Variants in GABBR2 observed in about 807,000 individuals in gnomAD.
GABBR2 encodes G-protein coupled receptor 51.
A neutral mutation model predicts 105.6 loss-of-function variants in GABBR2; 23 were observed. That is an observed-to-expected ratio of 0.22 (90% CI 0.16 to 0.31). GABBR2 has a LOEUF of 0.31. Among genes scored for constraint, GABBR2 ranks in the 10% least tolerant of loss-of-function variants. The pLI is 1.00. For synonymous variants in GABBR2, 478 were observed against 499.7 expected (o/e 0.96, Z 0.58); for missense variants, 734 against 1,245.5 (o/e 0.59, Z 6.18).
At chr9:98,373,410 C>T (rs1588127703) in intron 11 of GABBR2, among the ~76,000 whole-genome samples, 1 of 152,234 alleles carries the variant, frequency 6.6e-6, no homozygotes, top group East Asian at 1.9e-4. Context: ...AAGATAGTTC[C>T]CTTAACCATG....
chr9:98,585,979 T>C lies in GABBR2; in HGVS notation c.322-7907A>G, dbSNP rs1010690996. ...GATAAGGGGTACTCAACCTGTACTG[T>C]TATTTCCCTTTTACAGATAAGGAAT... On this transcript the variant is annotated intron_variant, in intron 1 of 18. Coordinates refer to ENST00000259455, the MANE Select transcript of GABBR2 (RefSeq NM_005458.8). Among the ~76,000 whole-genome samples the C allele has an allele frequency of 1.3e-4, 3 of 23,834 alleles. 1 individual carries two copies. Among genetic ancestry groups the C allele is most frequent in the Non-Finnish European group, 3.7e-4 (3 of 8,090 alleles). 15.6% of individuals were successfully genotyped at this position (23,834 alleles called of 152,430 possible).
chr9:98,401,847 C>T (rs1295698382), intron 8 of GABBR2, among the ~76,000 whole-genome samples: 2 of 152,134 alleles, frequency 1.3e-5, no homozygotes, highest in Non-Finnish European at 2.9e-5. Flanking sequence ...CCTGGAGGAT[C>T]GGGGACTGTA....
At chr9:98,357,104 T>A (rs532410600) in intron 13 of GABBR2, among the ~76,000 whole-genome samples, 1 of 152,194 alleles carries the variant, frequency 6.6e-6, no homozygotes, top group East Asian at 1.9e-4. Flanking sequence ...CTACATGACA[T>A]GCATTTGGCA....
At chr9:98,432,287 G>A (rs1459233011) in intron 7 of GABBR2, among the ~76,000 whole-genome samples, 1 of 152,204 alleles carries the variant, frequency 6.6e-6, no homozygotes, top group Non-Finnish European at 1.5e-5. Flanking sequence ...ATGAATGAGC[G>A]GCAGAGGGGA....
intron 1 of GABBR2, among the ~76,000 whole-genome samples, chr9:98,688,326 G>T (rs990988480): frequency 6.6e-6 from 1 of 151,412 alleles, no homozygotes; most frequent in African/African-American, 2.4e-5. Context: ...GGCATCATCA[G>T]CAAAATTTGA....
At chr9:98,586,890 T>C (rs1327537094) in intron 1 of GABBR2, among the ~76,000 whole-genome samples, 1 of 152,254 alleles carries the variant, frequency 6.6e-6, no homozygotes, top group African/African-American at 2.4e-5. Flanking sequence ...GTTTGGTTGC[T>C]GCTGTAAGCA....
intron 3 of GABBR2, among the ~76,000 whole-genome samples, chr9:98,537,076 C>A (rs1828195675): frequency 6.6e-6 from 1 of 152,214 alleles, no homozygotes; most frequent in African/African-American, 2.4e-5. Context: ...TGGCGACACA[C>A]TGAAGCCACC....
At chr9:98,410,139 C>T (rs992353085) in intron 7 of GABBR2, among the ~76,000 whole-genome samples, 12 of 135,262 alleles carry the variant, frequency 8.9e-5, no homozygotes, top group African/African-American at 4.7e-4. Context: ...TTTGGTTTCC[C>T]TCCCACAAAG....
At chr9:98,521,129 C>A (rs931806339) in intron 3 of GABBR2, among the ~76,000 whole-genome samples, 6 of 152,158 alleles carry the variant, frequency 3.9e-5, no homozygotes, top group African/African-American at 1.4e-4. Flanking sequence ...TAAGCTACCT[C>A]CTTCTGAAAG....
At chr9:98,628,597 A>G (rs1216454063) in intron 1 of GABBR2, among the ~76,000 whole-genome samples, 2 of 152,150 alleles carry the variant, frequency 1.3e-5, no homozygotes, top group African/African-American at 4.8e-5. Context: ...TCTATTAGCT[A>G]CGCTGCTGTA....
chr9:98,480,591 G>T (rs1355401157), intron 5 of GABBR2, among the ~76,000 whole-genome samples: 1 of 152,216 alleles, frequency 6.6e-6, no homozygotes, highest in African/African-American at 2.4e-5. Flanking sequence ...CTAAGACTCT[G>T]AGCCCTACCT....
intron 3 of GABBR2, among the ~76,000 whole-genome samples, chr9:98,519,299 C>T (rs981855280): frequency 6.6e-6 from 1 of 152,208 alleles, no homozygotes; most frequent in Non-Finnish European, 1.5e-5. Context: ...ACACCTGGTG[C>T]CCAGCGTTTC....
intron 1 of GABBR2, among the ~76,000 whole-genome samples, chr9:98,640,568 T>G (rs1829946016): frequency 6.6e-6 from 1 of 152,146 alleles, no homozygotes; most frequent in Non-Finnish European, 1.5e-5. Context: ...CATACATGGA[T>G]GTACATGGAG....
intron 8 of GABBR2, among the ~76,000 whole-genome samples, chr9:98,404,630 G>A (rs1378613045): frequency 1.3e-5 from 2 of 151,922 alleles, no homozygotes; most frequent in Non-Finnish European, 2.9e-5. Flanking sequence ...TAATCACCCC[G>A]CTAATGGCTG....
At chr9:98,505,182 G>T (rs924038951) in intron 3 of GABBR2, among the ~76,000 whole-genome samples, 7 of 152,258 alleles carry the variant, frequency 4.6e-5, no homozygotes, top group Non-Finnish European at 1.0e-4. Context: ...TCCATGTGGT[G>T]TATTTCTGCC....
intron 7 of GABBR2, among the ~76,000 whole-genome samples, chr9:98,418,077 G>A (rs1478950013): frequency 1.3e-5 from 2 of 152,106 alleles, no homozygotes; most frequent in African/African-American, 4.8e-5. Flanking sequence ...CAAATAAGGG[G>A]CCACAAAAGG....
chr9:98,536,351 G>A (rs1828181231), intron 3 of GABBR2, among the ~76,000 whole-genome samples: 1 of 152,160 alleles, frequency 6.6e-6, no homozygotes, highest in South Asian at 2.1e-4. Context: ...GAGACCCAGA[G>A]ACAGCAAGTG....
chr9:98,295,137 A>C (rs558755320), intron 17 of GABBR2, among the ~76,000 whole-genome samples: 21 of 152,348 alleles, frequency 1.4e-4, no homozygotes, highest in Admixed American at 1.2e-3. Context: ...ATTTATTTGT[A>C]ATCCCCAAAT....
At chr9:98,443,653 T>C (rs890155740) in intron 7 of GABBR2, among the ~76,000 whole-genome samples, 3 of 152,202 alleles carry the variant, frequency 2.0e-5, no homozygotes, top group Non-Finnish European at 2.9e-5. Flanking sequence ...AGCTATAATT[T>C]TGTAATTCAT....
Sources: allele counts gnomAD v4.1 joint callset (sites outside exome capture counted in the v4.1 genomes callset), GRCh38; gene constraint gnomAD v4.1.1; transcripts MANE v1.5; gene names NCBI Gene and HGNC (gene_info 2026-07-23, HGNC 2026-07-21).